The following PPM1H variants were observed in gnomAD, a reference collection of about 807,000 sequenced individuals.
PPM1H encodes protein phosphatase 1H.
PPM1H carries 27 observed loss-of-function variants against 54.9 expected under a neutral mutation model. The observed-to-expected ratio is 0.49, with a 90% CI of 0.36 to 0.68. The LOEUF is 0.68. PPM1H is among the 30% of genes least tolerant of loss of function. The pLI is 0.00. For missense variants in PPM1H, 596 were observed against 667.8 expected (o/e 0.89, Z 1.19); for synonymous variants, 305 against 270.8 (o/e 1.13, Z -1.24).
At chr12:62,735,100 A>G (rs342159) in intron 5 of PPM1H, among the ~76,000 whole-genome samples, 145,833 of 152,298 alleles carry the variant, frequency 0.96, 69,890 homozygotes, top group East Asian at 1. Flanking sequence ...AGAGGCAAGG[A>G]AGGCAAAGGC....
chr12:62,789,794 C>T lies in PPM1H; in HGVS notation c.757-1456G>A, dbSNP rs557295279. On this transcript the variant is annotated intron_variant, in intron 3 of 9. Transcript: ENST00000228705. ...TGTTGTTACCTGCCACCTAATGAGG[C>T]CTCCCCAAGGAATTGATATTAAAAA... 3.9e-5 allele frequency among the ~76,000 whole-genome samples: 6 copies of T among 152,318 alleles called. No individual in the cohort carries two copies. In the East Asian group the frequency reaches 1.2e-3, roughly 29 times the overall value.
chr12:62,827,694 C>T (rs1868305971), intron 2 of PPM1H, among the ~76,000 whole-genome samples: 1 of 152,168 alleles, frequency 6.6e-6, no homozygotes, highest in Non-Finnish European at 1.5e-5. Flanking sequence ...CATGTTCCTT[C>T]TATAAGAAAC....
chr12:62,674,502 A>G (rs144093716), intron 8 of PPM1H, among the ~76,000 whole-genome samples: 2 of 152,344 alleles, frequency 1.3e-5, no homozygotes, highest in East Asian at 3.9e-4. Flanking sequence ...AACCAAGTAG[A>G]TCATTTCAAG....
intron 1 of PPM1H, among the ~76,000 whole-genome samples, chr12:62,914,032 G>T (rs185537284): frequency 3.3e-5 from 5 of 152,250 alleles, no homozygotes; most frequent in Admixed American, 3.3e-4. Flanking sequence ...GGAAATAAAG[G>T]AGTGCTGTAG....
intron 1 of PPM1H, among the ~76,000 whole-genome samples, chr12:62,886,119 C>T (rs1239503792): frequency 6.6e-6 from 1 of 152,224 alleles, no homozygotes; most frequent in Non-Finnish European, 1.5e-5. Context: ...CACCAGTGCA[C>T]TGCCTTTGGT....
intron 6 of PPM1H, among the ~76,000 whole-genome samples, chr12:62,694,965 A>G (rs1037988547): frequency 2.0e-5 from 3 of 152,198 alleles, no homozygotes; most frequent in African/African-American, 7.2e-5. Context: ...TTAAAAGACT[A>G]AGTAAAAGAT....
chr12:62,693,861 A>ACTGCCACGGGCTATGTGGAG, intron 7 of PPM1H, 75 bp downstream of exon 7: 3 of 1,326,968 alleles, frequency 2.3e-6, no homozygotes, highest in Non-Finnish European at 3.2e-6. Context: ...GAACACACGG[A>ACTGCCACGGGCTATGTGGAG]CTGCCACGGG....
intron 4 of PPM1H, among the ~76,000 whole-genome samples, chr12:62,781,947 G>A (rs145901676): frequency 7.8e-4 from 119 of 152,316 alleles, no homozygotes; most frequent in Non-Finnish European, 1.4e-3. Context: ...TAAAAAGATG[G>A]GGAGGGGGCT....
Position 62,646,124 on chromosome 12 carries a change from T to TAAGA in PPM1H, c.*2361_*2364dup, listed in dbSNP as rs1346995239. The TAAGA allele has an allele frequency of 1.3e-5, 2 of 152,352 alleles. No homozygotes were observed. The highest frequency in any genetic ancestry group is 3.9e-4 in the East Asian group (2 of 5,190). The allele number at this position is 152,352 out of a possible 1,614,324, so 9.4% of individuals were successfully genotyped here. On this transcript the variant is annotated 3_prime_UTR_variant, in exon 10 of 10. Coordinates refer to ENST00000228705, the MANE Select transcript of PPM1H (RefSeq NM_020700.2). ...CACAAACTTGACTTTATCTTCTAAC[T>TAAGA]AAGATCTTTCCACTCAAGGGGGCGT...
chr12:62,776,325 C>A (rs533989436), intron 4 of PPM1H, among the ~76,000 whole-genome samples: 2 of 152,348 alleles, frequency 1.3e-5, no homozygotes, highest in Admixed American at 1.3e-4. Context: ...TTTGAAACTG[C>A]AACCCACCCC....
intron 4 of PPM1H, among the ~76,000 whole-genome samples, chr12:62,785,989 C>G (rs574275221): frequency 2.2e-3 from 338 of 152,256 alleles, no homozygotes; most frequent in Non-Finnish European, 2.9e-3. Context: ...GTGAAAGGCA[C>G]TTCCCTGGGA....
chr12:62,758,953 C>T (rs1043734720), intron 4 of PPM1H, among the ~76,000 whole-genome samples: 1 of 152,204 alleles, frequency 6.6e-6, no homozygotes, highest in Non-Finnish European at 1.5e-5. Flanking sequence ...GTAATCTCCC[C>T]CACCCTTAAG....
chr12:62,890,982 G>A (rs971670655), intron 1 of PPM1H, among the ~76,000 whole-genome samples: 15 of 151,432 alleles, frequency 9.9e-5, no homozygotes, highest in East Asian at 3.9e-4. Context: ...GGTGGTGGGC[G>A]CCTGTAATCC....
intron 6 of PPM1H, among the ~76,000 whole-genome samples, chr12:62,697,272 G>A (rs2076120076): frequency 1.3e-5 from 2 of 152,234 alleles, no homozygotes; most frequent in African/African-American, 4.8e-5. Flanking sequence ...GATTACAGGT[G>A]AGTGCCACCG....
intron 4 of PPM1H, among the ~76,000 whole-genome samples, chr12:62,767,408 A>G (rs1484130876): frequency 1.3e-5 from 2 of 152,186 alleles, no homozygotes; most frequent in African/African-American, 4.8e-5. Context: ...TACTTATGGT[A>G]GCTGCCTTTA....
At chr12:62,740,933 G>T (rs1219055802) in intron 4 of PPM1H, among the ~76,000 whole-genome samples, 1 of 152,130 alleles carries the variant, frequency 6.6e-6, no homozygotes, top group African/African-American at 2.4e-5. Flanking sequence ...CTCCAACAAC[G>T]ACATATGCTG....
intron 5 of PPM1H, among the ~76,000 whole-genome samples, chr12:62,734,790 C>T (rs2076341935): frequency 6.6e-6 from 1 of 152,156 alleles, no homozygotes; most frequent in African/African-American, 2.4e-5. Flanking sequence ...GCTTGTAACC[C>T]CCAGCAATTT....
At chr12:62,915,368 A>T (rs1280219162) in intron 1 of PPM1H, among the ~76,000 whole-genome samples, 2 of 152,240 alleles carry the variant, frequency 1.3e-5, no homozygotes, top group Non-Finnish European at 2.9e-5. Context: ...CTGCTCCAGC[A>T]CTGGCTCTGC....
At position 62,934,448 on chromosome 12, in the gene PPM1H, G is replaced by GAGAGCAGGGGC; in HGVS notation, c.245+43_245+44insGCCCCTGCTCT. On this transcript the variant is annotated intron_variant, in intron 1 of 9. Coordinates refer to ENST00000228705, the MANE Select transcript of PPM1H (RefSeq NM_020700.2). The surrounding 1 kb of genome is among the most constrained non-coding windows in gnomAD (Gnocchi z 4.2). Reference sequence around the variant, plus strand: ...AGAGGGCTGGAACCGTGCGGGGAAGGGCCGCGAGGAGAGCAGGGGCGCCGC... The same window carrying GAGAGCAGGGGC: ...AGAGGGCTGGAACCGTGCGGGGAAGGAGAGCAGGGGCGCCGCGAGGAGAGCAGGGGCGCCGC... 1 of 1,499,744 alleles carries GAGAGCAGGGGC rather than the reference G, an allele frequency of 6.7e-7. No homozygotes were observed. The highest frequency in any genetic ancestry group is 1.3e-5 in the South Asian group (1 of 77,222). 92.9% of individuals were successfully genotyped at this position (1,499,744 alleles called of 1,614,324 possible).
Sources: gnomAD v4.1 joint callset for allele counts (sites outside exome capture counted in the v4.1 genomes callset) on GRCh38, gnomAD v4.1.1 for gene constraint, Gnocchi (gnomAD v3.1) non-coding constraint, MANE v1.5 for transcripts, NCBI Gene and HGNC (gene_info 2026-07-23, HGNC 2026-07-21) for gene names.